ALG5: variants seen among roughly 807,000 people sequenced by gnomAD.
The protein encoded by ALG5 is dolichyl-phosphate beta-glucosyltransferase.
Under a neutral mutation model 51.8 loss-of-function variants are expected in ALG5, and 26 were observed. That is an observed-to-expected ratio of 0.50 (90% CI 0.37 to 0.70). The LOEUF is 0.70. ALG5 is among the 30% of genes least tolerant of loss of function. The probability of loss-of-function intolerance (pLI) is 0.00; values close to 1 mark genes in which losing one functional copy is unlikely to be tolerated. For missense variants in ALG5, 311 were observed against 399.3 expected (o/e 0.78, Z 1.88); for synonymous variants, 141 against 136.1 (o/e 1.04, Z -0.25).
chr13:36,963,149 C>T (rs763353780), intron 8 of ALG5, among the ~76,000 whole-genome samples: 1 of 152,016 alleles, frequency 6.6e-6, no homozygotes, highest in Non-Finnish European at 1.5e-5. Context: ...CAGGGTCTTG[C>T]TATGTTTTCC....
intron 4 of ALG5, among the ~76,000 whole-genome samples, chr13:36,992,289 C>A: frequency 6.6e-6 from 1 of 152,106 alleles, no homozygotes. Flanking sequence ...TAGTGCCAGT[C>A]AGAACTCTCG....
At chr13:36,984,738 A>G (rs1174119952) in intron 6 of ALG5, among the ~76,000 whole-genome samples, 1 of 152,090 alleles carries the variant, frequency 6.6e-6, no homozygotes, top group East Asian at 1.9e-4. Context: ...ACTTGAGGGT[A>G]GACGGTGGGA....
At chr13:36,976,374 C>T (rs1156497110) in intron 6 of ALG5, among the ~76,000 whole-genome samples, 2 of 122,362 alleles carry the variant, frequency 1.6e-5, no homozygotes, top group Non-Finnish European at 1.6e-5. Context: ...TGCAGTGAGA[C>T]AAGATTGCGC....
At position 36,970,944 on chromosome 13, in the gene ALG5, T is replaced by G. The variant is rs1000416435; in HGVS notation, c.621+1033A>C. ...ATAAACAAAAAATAAAAAGAGAGTC[T>G]GGGTTTTTGTACTTCAATATAATCC... is the stretch of plus-strand genomic sequence containing the variant. On this transcript the variant is annotated intron_variant, in intron 7 of 9. Coordinates refer to ENST00000239891, the MANE Select transcript of ALG5 (RefSeq NM_013338.5). Among the ~76,000 whole-genome samples the G allele has an allele frequency of 2.6e-5, 4 of 152,088 alleles. No individual in the cohort carries two copies. The East Asian group carries it at 7.7e-4, about 29-fold the overall frequency.
intron 4 of ALG5, among the ~76,000 whole-genome samples, chr13:36,990,904 A>C (rs977822655): frequency 3.3e-5 from 5 of 152,258 alleles, no homozygotes; most frequent in African/African-American, 9.6e-5. Context: ...CTTATCCCCT[A>C]AAGTCCCCAC....
At position 36,965,711 on chromosome 13, in the gene ALG5, T is replaced by A. The variant is rs756286265; in HGVS notation, c.637A>T (p.Thr213Ser). 8.1e-6 allele frequency: 13 copies of A among 1,611,104 alleles called. No homozygotes were observed. The highest frequency in any genetic ancestry group is 3.4e-5 in the Admixed American group (2 of 58,996). Residue 213 changes from threonine (T) to serine (S), a missense_variant, in exon 8 of 10, where the codon ACT (threonine) becomes TCT (serine). Physicochemically the swap from Thr to Ser is moderately conservative, Grantham distance 58. Coordinates refer to ENST00000239891, the MANE Select transcript of ALG5 (RefSeq NM_013338.5). ...ESIAQRSYFR[T>S]LLMYGFHFLV... ...AAGTGGAACCCATACATGAGAAGAG[T>A]ACGGAAGTAAGAACGCTGAAAACAA...
At chr13:36,995,333 A>T in intron 2 of ALG5, 92 bp downstream of exon 2, 1 of 1,318,806 alleles carries the variant, frequency 7.6e-7, no homozygotes. Context: ...CACATCTATT[A>T]ATGTTTTGGC....
At position 36,993,645 on chromosome 13, in the gene ALG5, C is replaced by T. The variant is rs1275070421; in HGVS notation, c.313G>A (p.Val105Met). 6 of 1,613,808 alleles carry T rather than the reference C, an allele frequency of 3.7e-6. No individual in the cohort carries two copies. In the East Asian group the frequency reaches 1.1e-4, roughly 30 times the overall value. ...QKRDPAFTYE[V>M]IVVDDGSKDQ... The stretch of plus-strand genomic sequence containing the variant: ...TTACTGCCATCATCAACTACTATCA[C>T]TTCATAAGTGAACGCAGGATCTCGT... Residue 105 changes from valine to methionine, a missense_variant, in exon 4 of 10, where the codon GTG becomes ATG. Physicochemically the swap from Val to Met is conservative, Grantham distance 21. Transcript: ENST00000239891.
chr13:36,963,675 T>C (rs2058878656), intron 8 of ALG5, among the ~76,000 whole-genome samples: 1 of 152,194 alleles, frequency 6.6e-6, no homozygotes, highest in Non-Finnish European at 1.5e-5. Context: ...AATGTTTTAA[T>C]CTAGAAAAAC....
intron 3 of ALG5, among the ~76,000 whole-genome samples, chr13:36,994,197 T>C (rs995804853): frequency 6.6e-6 from 1 of 152,244 alleles, no homozygotes; most frequent in Non-Finnish European, 1.5e-5. Flanking sequence ...AAAGGCTCAA[T>C]TCCTTTCTTC....
intron 6 of ALG5, among the ~76,000 whole-genome samples, chr13:36,975,335 TAC>T (rs1368923089): frequency 6.6e-6 from 1 of 152,240 alleles, no homozygotes; most frequent in Non-Finnish European, 1.5e-5. Context: ...TTGTTTGCTC[TAC>T]AGTTTCCTAG....
In ALG5 at chr13:36,985,678, A is replaced by G; in HGVS notation, c.510T>C (p.Phe170=). 1 of 1,613,842 alleles carries G rather than the reference A, an allele frequency of 6.2e-7. No homozygotes were observed. The highest frequency in any genetic ancestry group is 8.5e-7 in the Non-Finnish European group (1 of 1,179,918). ...LMADADGATK[F]PDVEKLEKGL... ...CCTTTTCTAATTTCTCAACATCTGG[A>G]AACTTTGTGGCTCCATCAGCATCTG... The change falls in exon 6 of 10, where the codon TTT becomes TTC. Residue 170 remains phenylalanine (F), a synonymous_variant. Coordinates refer to ENST00000239891, the MANE Select transcript of ALG5 (RefSeq NM_013338.5).
chr13:36,987,466 A>C (rs2059007090), intron 5 of ALG5, among the ~76,000 whole-genome samples: 2 of 152,104 alleles, frequency 1.3e-5, no homozygotes, highest in African/African-American at 4.8e-5. Flanking sequence ...ATAGTGAGCA[A>C]GTTTTCATGA....
intron 6 of ALG5, among the ~76,000 whole-genome samples, chr13:36,973,123 A>T (rs8000946): frequency 0.34 from 51,279 of 150,202 alleles, 10,150 homozygotes; most frequent in East Asian, 0.72. Context: ...TTGTTAGTAT[A>T]GTGGTGAGAA....
intron 6 of ALG5, 133 bp from the exon 7 acceptor site, chr13:36,972,169 T>C (rs2058927082): frequency 3.9e-6 from 3 of 774,610 alleles, no homozygotes; most frequent in Non-Finnish European, 4.0e-6. Context: ...TAAAGGTTTA[T>C]TGAAAAGTTC....
At chr13:36,988,653 A>C (rs1379949290) in intron 5 of ALG5, among the ~76,000 whole-genome samples, 3 of 152,236 alleles carry the variant, frequency 2.0e-5, no homozygotes, top group Non-Finnish European at 4.4e-5. Flanking sequence ...AACTAATATT[A>C]CCCAACTCAT....
chr13:36,965,703 G>T lies in ALG5; in HGVS notation c.645C>A (p.Leu215=). The change falls in exon 8 of 10, where the codon CTC becomes CTA. Residue 215 remains leucine (L), a synonymous_variant. Coordinates refer to ENST00000239891, the MANE Select transcript of ALG5 (RefSeq NM_013338.5). ...IAQRSYFRTL[L]MYGFHFLVWF... ...ACACCAGAAAGTGGAACCCATACAT[G>T]AGAAGAGTACGGAAGTAAGAACGCT... 1 of 1,613,920 alleles carries T rather than the reference G, an allele frequency of 6.2e-7. No homozygotes were observed. Among genetic ancestry groups the T allele is most frequent in the South Asian group, 1.1e-5 (1 of 91,044 alleles).
rs1287342015 is a variant in ALG5 at position 36,999,332 on chromosome 13, C to T, written c.-32G>A. 2 of 1,542,318 alleles carry T rather than the reference C, an allele frequency of 1.3e-6. No homozygotes were observed. The highest frequency in any genetic ancestry group is 1.2e-5 in the South Asian group (1 of 83,724). On this transcript the variant is annotated 5_prime_UTR_variant, in exon 1 of 10. Transcript: ENST00000239891. ...TGCCGTGGCAGCCCGCCCAATCCCG[C>T]ACCTCCACACAGGCGGAAGCGCGCC...
At chr13:36,954,013 A>T (rs1404223113) in intron 8 of ALG5, among the ~76,000 whole-genome samples, 1 of 152,120 alleles carries the variant, frequency 6.6e-6, no homozygotes, top group Non-Finnish European at 1.5e-5. Flanking sequence ...CAAATACACA[A>T]AACAATTGAG....
Sources: allele counts gnomAD v4.1 joint callset (sites outside exome capture counted in the v4.1 genomes callset), GRCh38; gene constraint gnomAD v4.1.1; transcripts MANE v1.5; gene names NCBI Gene and HGNC (gene_info 2026-07-23, HGNC 2026-07-21).